The following ATOSA variants were observed in gnomAD, a reference collection of about 807,000 sequenced individuals.
The protein encoded by ATOSA is atos homolog protein A.
chr15:52,594,315 A>G, the ATOSA span, among the ~76,000 whole-genome samples: 1 of 152,220 alleles, frequency 6.6e-6, no homozygotes, highest in African/African-American at 2.4e-5. Flanking sequence ...GTACAGAAAT[A>G]GTACAGAAGC....
chr15:52,587,060 G>T, the ATOSA span: 2 of 1,591,748 alleles, frequency 1.3e-6, no homozygotes, highest in Non-Finnish European at 8.5e-7. Flanking sequence ...ACTTACCAAA[G>T]TTGTTGCAGC....
the ATOSA span, among the ~76,000 whole-genome samples, chr15:52,590,212 C>T: frequency 1.3e-5 from 2 of 152,186 alleles, no homozygotes; most frequent in Non-Finnish European, 2.9e-5. Context: ...ACTGAAAGAA[C>T]TATATCTTGA....
the ATOSA span, among the ~76,000 whole-genome samples, chr15:52,692,659 A>G: frequency 3.0e-4 from 46 of 151,764 alleles, no homozygotes; most frequent in African/African-American, 1.1e-3. Flanking sequence ...CAGCCTGAAA[A>G]CTACCTCTTT....
the ATOSA span, among the ~76,000 whole-genome samples, chr15:52,624,599 C>G: frequency 3.9e-5 from 6 of 152,128 alleles, no homozygotes; most frequent in Non-Finnish European, 7.4e-5. Flanking sequence ...AATGAACCAC[C>G]TCAGGAAAAA....
At chr15:52,683,383 A>G in the ATOSA span, among the ~76,000 whole-genome samples, 539 of 152,356 alleles carry the variant, frequency 3.5e-3, 4 homozygotes, top group African/African-American at 0.013. Flanking sequence ...AATAATTTCA[A>G]AATTTTCAAG....
chr15:52,598,395 A>C, the ATOSA span: 3 of 152,202 alleles, frequency 2.0e-5, no homozygotes, highest in Non-Finnish European at 4.4e-5. Context: ...GTGTTTCCAG[A>C]CTCCACCTAA....
At chr15:52,695,741 T>C in the ATOSA span, among the ~76,000 whole-genome samples, 13 of 152,134 alleles carry the variant, frequency 8.5e-5, no homozygotes, top group Non-Finnish European at 1.6e-4. Flanking sequence ...CCAGATAAGG[T>C]TGTCAGGGTA....
At chr15:52,604,934 A>C in the ATOSA span, among the ~76,000 whole-genome samples, 8 of 152,182 alleles carry the variant, frequency 5.3e-5, no homozygotes, top group South Asian at 1.0e-3. Context: ...ATAACTAATA[A>C]ATTTCATTTT....
the ATOSA span, among the ~76,000 whole-genome samples, chr15:52,600,793 G>GT: frequency 3.2e-3 from 449 of 140,786 alleles, 3 homozygotes; most frequent in African/African-American, 6.2e-3. Flanking sequence ...GGCCAAGGTT[G>GT]TTTTTTTTTT....
chr15:52,584,893 C>T, the ATOSA span: 1 of 1,613,128 alleles, frequency 6.2e-7, no homozygotes, highest in Non-Finnish European at 8.5e-7. Context: ...TCTCGTAAAT[C>T]ATATATCACA....
At chr15:52,640,106 T>C in the ATOSA span, among the ~76,000 whole-genome samples, 1 of 151,962 alleles carries the variant, frequency 6.6e-6, no homozygotes, top group Admixed American at 6.6e-5. Context: ...AAGAATACAG[T>C]AAAAGTTAAG....
At chr15:52,679,172 C>T in the ATOSA span, 1 of 153,316 alleles carries the variant, frequency 6.5e-6, no homozygotes. Context: ...CAGCCACCGC[C>T]TCGCTCCGCT....
chr15:52,630,020 T>C, the ATOSA span, among the ~76,000 whole-genome samples: 1 of 151,938 alleles, frequency 6.6e-6, no homozygotes, highest in South Asian at 2.1e-4. Flanking sequence ...GGGCAGGACG[T>C]TGGTGGTGGT....
the ATOSA span, chr15:52,657,716 TCAGAA>T: frequency 6.6e-6 from 1 of 152,162 alleles, no homozygotes; most frequent in Non-Finnish European, 1.5e-5. Flanking sequence ...AAATGGAAAC[TCAGAA>T]AAGTCAGCAA....
At chr15:52,599,795 C>T in the ATOSA span, among the ~76,000 whole-genome samples, 159 of 152,150 alleles carry the variant, frequency 1.0e-3, 1 homozygote, top group African/African-American at 3.3e-3. Flanking sequence ...GCTATTAGCC[C>T]ACCACTATTT....
At chr15:52,592,809 CA>C in the ATOSA span, among the ~76,000 whole-genome samples, 1 of 152,208 alleles carries the variant, frequency 6.6e-6, no homozygotes. Context: ...TTTCACTCTC[CA>C]TTAAGACATT....
the ATOSA span, among the ~76,000 whole-genome samples, chr15:52,620,851 T>C: frequency 9.0e-4 from 137 of 152,208 alleles, 2 homozygotes; most frequent in East Asian, 0.024. Context: ...GGAAGGAGGA[T>C]CACTTGAGCC....
chr15:52,641,891 T>C, the ATOSA span, among the ~76,000 whole-genome samples: 1 of 152,238 alleles, frequency 6.6e-6, no homozygotes, highest in Admixed American at 6.5e-5. Flanking sequence ...GATTTAATGC[T>C]AAAGTAACAT....
the ATOSA span, chr15:52,587,157 T>A: frequency 3.1e-6 from 5 of 1,613,622 alleles, no homozygotes; most frequent in African/African-American, 1.3e-5. Context: ...ATACCACTTG[T>A]ATTGTTCCTG....
Sources: allele counts gnomAD v4.1 joint callset (sites outside exome capture counted in the v4.1 genomes callset), GRCh38; gene constraint gnomAD v4.1.1; transcripts MANE v1.5; gene names NCBI Gene and HGNC (gene_info 2026-07-23, HGNC 2026-07-21).